Variants in CTNND2 observed in about 807,000 individuals in gnomAD.
CTNND2 encodes catenin delta-2.
A neutral mutation model predicts 144.4 loss-of-function variants in CTNND2; 22 were observed. That is an observed-to-expected ratio of 0.15 (90% CI 0.11 to 0.22). The LOEUF (loss-of-function observed/expected upper bound fraction) is 0.22. Ranked by LOEUF, CTNND2 falls within the 10% of genes least tolerant of loss-of-function variation. CTNND2 has a pLI of 1.00. For missense variants in CTNND2, 1,353 were observed against 1,618.8 expected, an observed-to-expected ratio of 0.84 and a Z score of 2.82; for synonymous variants, 751 against 695.6, an observed-to-expected ratio of 1.08 and a Z score of -1.25.
intron 1 of CTNND2, among the ~76,000 whole-genome samples, chr5:11,852,759 AT>A (rs1427276429): frequency 6.6e-6 from 1 of 152,214 alleles, no homozygotes; most frequent in Non-Finnish European, 1.5e-5. Context: ...GAGCAACAAA[AT>A]ATATGTATTT....
At chr5:11,162,185 T>C (rs1158045415) in intron 11 of CTNND2, among the ~76,000 whole-genome samples, 3 of 151,930 alleles carry the variant, frequency 2.0e-5, no homozygotes, top group Admixed American at 6.6e-5. Context: ...ACAAACAAAA[T>C]AGCAGAGAGA....
intron 1 of CTNND2, among the ~76,000 whole-genome samples, chr5:11,783,880 A>G (rs1790689285): frequency 6.6e-6 from 1 of 152,194 alleles, no homozygotes; most frequent in Admixed American, 6.5e-5. Flanking sequence ...GTCTCTTCTT[A>G]AGGACAACTC....
At chr5:11,577,812 T>C (rs183940192) in intron 2 of CTNND2, among the ~76,000 whole-genome samples, 1 of 152,346 alleles carries the variant, frequency 6.6e-6, no homozygotes. Context: ...TGAAATTTTA[T>C]GGAACTCATG....
intron 2 of CTNND2, among the ~76,000 whole-genome samples, chr5:11,698,664 C>A (rs1581739049): frequency 1.3e-5 from 2 of 152,154 alleles, no homozygotes; most frequent in Non-Finnish European, 2.9e-5. Context: ...CCATGAAGTG[C>A]TGGAAATAAA....
chr5:11,390,017 G>GC (rs1759497894), intron 6 of CTNND2, among the ~76,000 whole-genome samples: 1 of 151,928 alleles, frequency 6.6e-6, no homozygotes, highest in South Asian at 2.1e-4. Context: ...TTCTAAAATC[G>GC]CCCCCCGCCA....
chr5:11,209,210 T>C (rs1738364324), intron 10 of CTNND2, among the ~76,000 whole-genome samples: 2 of 152,176 alleles, frequency 1.3e-5, no homozygotes, highest in Non-Finnish European at 2.9e-5. Context: ...ATTCTAACTT[T>C]CATCTGGAAT....
In CTNND2 at chr5:11,042,509, G is replaced by A. The variant is rs1302565210; in HGVS notation, c.2789-19530C>T. Among the ~76,000 whole-genome samples the A allele has an allele frequency of 2.0e-5, 3 of 152,174 alleles. No homozygotes were observed. In the East Asian group the frequency reaches 5.8e-4, roughly 29 times the overall value. ...CCTTATTAACCAATGAGATGTTTAT[G>A]GATGAATTCCAAGATGGTTCTCAAA... On this transcript the variant is annotated intron_variant, in intron 16 of 21. Transcript: ENST00000304623.
intron 1 of CTNND2, among the ~76,000 whole-genome samples, chr5:11,895,417 C>A (rs1194206269): frequency 6.6e-6 from 1 of 152,176 alleles, no homozygotes; most frequent in African/African-American, 2.4e-5. Context: ...CCTGAAGACA[C>A]AGGAATTATT....
At chr5:11,729,310 C>T (rs987625806) in intron 2 of CTNND2, among the ~76,000 whole-genome samples, 4 of 152,190 alleles carry the variant, frequency 2.6e-5, no homozygotes, top group Non-Finnish European at 5.9e-5. Flanking sequence ...TCCCCTATGT[C>T]TTCAGTCTGT....
intron 2 of CTNND2, among the ~76,000 whole-genome samples, chr5:11,724,110 G>A (rs943312792): frequency 1.3e-5 from 2 of 152,098 alleles, no homozygotes; most frequent in East Asian, 3.8e-4. Flanking sequence ...AGTAGTAAGA[G>A]TAATATGTCT....
intron 1 of CTNND2, among the ~76,000 whole-genome samples, chr5:11,876,180 G>A (rs1326983335): frequency 6.6e-6 from 1 of 151,570 alleles, no homozygotes; most frequent in Non-Finnish European, 1.5e-5. Context: ...ATTTCAGATA[G>A]ATAGGTAGAA....
chr5:11,423,157 T>C (rs1043331199), intron 3 of CTNND2, among the ~76,000 whole-genome samples: 1 of 152,250 alleles, frequency 6.6e-6, no homozygotes, highest in Admixed American at 6.5e-5. Context: ...ATAGGTCTTA[T>C]AATATACAGT....
intron 16 of CTNND2, among the ~76,000 whole-genome samples, chr5:11,047,719 C>T (rs1433162797): frequency 6.6e-6 from 1 of 152,098 alleles, no homozygotes; most frequent in Admixed American, 6.6e-5. Context: ...ACTGTGAGTG[C>T]CATTTTTTCT....
intron 1 of CTNND2, among the ~76,000 whole-genome samples, chr5:11,870,690 T>C (rs1735034784): frequency 6.6e-6 from 1 of 152,196 alleles, no homozygotes; most frequent in Non-Finnish European, 1.5e-5. Flanking sequence ...TTGCTGTTGC[T>C]ACCATTCTGC....
chr5:11,613,640 A>G (rs1296318517), intron 2 of CTNND2, among the ~76,000 whole-genome samples: 1 of 152,186 alleles, frequency 6.6e-6, no homozygotes, highest in Non-Finnish European at 1.5e-5. Context: ...GTGTGGACTC[A>G]TTTCCTGGAG....
At chr5:11,461,598 G>A (rs1766230176) in intron 3 of CTNND2, among the ~76,000 whole-genome samples, 1 of 152,164 alleles carries the variant, frequency 6.6e-6, no homozygotes, top group African/African-American at 2.4e-5. Context: ...TCCCTTCAAT[G>A]TGGTTGACCT....
Position 11,159,629 on chromosome 5 carries a change from C to A in CTNND2, c.2106G>T (p.Arg702=). 1 of 1,613,606 alleles carries A rather than the reference C, an allele frequency of 6.2e-7. No homozygotes were observed. The highest frequency in any genetic ancestry group is 1.1e-5 in the South Asian group (1 of 90,908). ...CCTGTGATGAATGCAGCTGTATTTT[C>A]CGATCATCCTGAAGAGGCGAATTTT... ...GWENSPLQDD[R]KIQLHSSQVL... Residue 702 remains arginine (R), a synonymous_variant, in exon 12 of 22, where the codon CGG becomes CGT. Transcript: ENST00000304623.
chr5:11,173,131 T>C (rs1760101942), intron 11 of CTNND2, among the ~76,000 whole-genome samples: 1 of 152,248 alleles, frequency 6.6e-6, no homozygotes. Context: ...TCATAAAAAA[T>C]GTCAACTTTG....
At chr5:11,641,585 T>C (rs577239628) in intron 2 of CTNND2, among the ~76,000 whole-genome samples, 10 of 140,382 alleles carry the variant, frequency 7.1e-5, no homozygotes, top group Admixed American at 6.8e-4. Flanking sequence ...TGTATGTATA[T>C]ACATATACGT....
Sources: allele counts gnomAD v4.1 joint callset (sites outside exome capture counted in the v4.1 genomes callset), GRCh38; gene constraint gnomAD v4.1.1; transcripts MANE v1.5; gene names NCBI Gene and HGNC (gene_info 2026-07-23, HGNC 2026-07-21).